The following PPP6R2 variants were observed in gnomAD, a reference collection of about 807,000 sequenced individuals.
PPP6R2 encodes the protein serine/threonine-protein phosphatase 6 regulatory subunit 2.
In PPP6R2, 62 loss-of-function variants were observed where a neutral mutation model predicts 100.2. The observed-to-expected ratio is 0.62, with a 90% confidence interval of 0.50 to 0.76. The LOEUF is 0.76. PPP6R2 is among the 30% of genes least tolerant of loss of function. The pLI is 0.00. For synonymous variants in PPP6R2, 525 were observed against 514.7 expected (o/e 1.02, Z -0.27); for missense variants, 1,142 against 1,276.3 (o/e 0.89, Z 1.60).
intron 2 of PPP6R2, among the ~76,000 whole-genome samples, chr22:50,377,862 C>G (rs927675701): frequency 6.6e-6 from 1 of 152,060 alleles, no homozygotes; most frequent in South Asian, 2.1e-4. Context: ...CAAAAAGTAG[C>G]TCAGCGTGGT....
chr22:50,381,277 ACCACACGGGCCCCACC>A (rs2052892142), intron 2 of PPP6R2, among the ~76,000 whole-genome samples: 1 of 105,500 alleles, frequency 9.5e-6, no homozygotes, highest in Non-Finnish European at 2.0e-5. Flanking sequence ...TCACCTCAGC[ACCACACGGGCCCCACC>A]TCAGCACCAC....
chr22:50,409,087 C>T (rs554276505), intron 4 of PPP6R2, among the ~76,000 whole-genome samples: 1 of 152,340 alleles, frequency 6.6e-6, no homozygotes, highest in East Asian at 1.9e-4. Flanking sequence ...GCACTCCAGC[C>T]TGGGCAACAA....
At chr22:50,404,131 G>A (rs1312980982) in intron 3 of PPP6R2, among the ~76,000 whole-genome samples, 1 of 128,574 alleles carries the variant, frequency 7.8e-6, no homozygotes, top group Admixed American at 8.4e-5. Flanking sequence ...GTCTCGCTCT[G>A]TCACCCAGAC....
Position 50,444,378 on chromosome 22 carries a change from G to C in PPP6R2, c.*131G>C. Reference sequence around the variant, plus strand: ...AAATAAATGCTGCATTGGTAAAGCTGGCAGTTGAAACCAGTTGGACGGCCC... The same window carrying C: ...AAATAAATGCTGCATTGGTAAAGCTCGCAGTTGAAACCAGTTGGACGGCCC... On this transcript the variant is annotated 3_prime_UTR_variant, in exon 24 of 24. Transcript: ENST00000612753. The C allele has an allele frequency of 8.0e-7, 1 of 1,256,444 alleles. No individual in the cohort carries two copies. The highest frequency in any genetic ancestry group is 1.4e-5 in the South Asian group (1 of 69,616). The allele number at this position is 1,256,444 out of a possible 1,614,324, so 77.8% of individuals were successfully genotyped here.
intron 1 of PPP6R2, among the ~76,000 whole-genome samples, chr22:50,355,768 G>A (rs974463381): frequency 6.7e-6 from 1 of 150,058 alleles, no homozygotes; most frequent in African/African-American, 2.5e-5. Context: ...TGATCCGCCC[G>A]CCTCGGCCTC....
rs920219022 is a variant in PPP6R2, at chr22:50,418,908, G to A, written c.660G>A (p.Arg220=). The A allele has an allele frequency of 2.5e-6, 4 of 1,613,826 alleles. No individual in the cohort carries two copies. In the East Asian group the frequency reaches 6.7e-5, roughly 27 times the overall value. The change falls in exon 7 of 24, where the codon AGG becomes AGA. Residue 220 remains arginine (R), a synonymous_variant. Transcript: ENST00000612753. The part of the protein sequence containing the change: ...NASQTLCDIV[R]LGRDQGSQLQ... The stretch of plus-strand genomic sequence containing the variant: ...CTCAGACTCTCTGTGACATAGTTAG[G>A]CTGGGCAGAGACCAGGGCAGTCAGC...
chr22:50,371,257 G>A (rs1431775657), intron 1 of PPP6R2, among the ~76,000 whole-genome samples: 1 of 152,166 alleles, frequency 6.6e-6, no homozygotes, highest in African/African-American at 2.4e-5. Context: ...TCAGCAGGCT[G>A]TGGCAGGAGG....
At chr22:50,340,140 TG>T (rs2042356005), upstream of PPP6R2, among the ~76,000 whole-genome samples, 1 of 87,154 alleles carries the variant, frequency 1.1e-5, no homozygotes, top group Non-Finnish European at 2.7e-5. Context: ...GTGTGTACAG[TG>T]TGTGGTGTGT....
chr22:50,360,453 C>CT (rs1222093532), intron 1 of PPP6R2, among the ~76,000 whole-genome samples: 5 of 151,244 alleles, frequency 3.3e-5, no homozygotes, highest in Admixed American at 3.3e-4. Context: ...GTCTTGAACT[C>CT]TCAGGCATAA....
intron 2 of PPP6R2, among the ~76,000 whole-genome samples, chr22:50,373,178 C>T (rs982940278): frequency 2.0e-5 from 3 of 151,622 alleles, no homozygotes; most frequent in Non-Finnish European, 4.4e-5. Flanking sequence ...GATACTCTTA[C>T]GAGGCTCTTC....
At chr22:50,411,420 C>G (rs1434915424) in intron 4 of PPP6R2, among the ~76,000 whole-genome samples, 3 of 151,828 alleles carry the variant, frequency 2.0e-5, no homozygotes, top group Non-Finnish European at 4.4e-5. Flanking sequence ...GGCCACTGCA[C>G]TCCAGCCTAG....
chr22:50,347,941 A>G lies in PPP6R2; in HGVS notation c.-148+4391A>G, dbSNP rs574820953. ...TTGTGGGTACACAATAGGTGTATAT[A>G]TCTCTCCCCTTTGACTTTTCTAACT... On this transcript the variant is annotated intron_variant, in intron 1 of 23. Transcript: ENST00000612753. Among the ~76,000 whole-genome samples the G allele has an allele frequency of 9.2e-5, 14 of 152,132 alleles. 1 individual carries two copies. The highest frequency in any genetic ancestry group is 3.1e-4 in the African/African-American group (13 of 41,504).
intron 3 of PPP6R2, among the ~76,000 whole-genome samples, chr22:50,396,045 A>G (rs1432449932): frequency 6.6e-6 from 1 of 151,170 alleles, no homozygotes; most frequent in African/African-American, 2.4e-5. Context: ...AAATACAAAA[A>G]TTAGCAGGGC....
At chr22:50,355,261 A>G (rs1457969835) in intron 1 of PPP6R2, among the ~76,000 whole-genome samples, 8 of 146,288 alleles carry the variant, frequency 5.5e-5, no homozygotes, top group South Asian at 2.1e-4. Context: ...TTTTTGAGAC[A>G]GAGTCTCGCT....
chr22:50,337,438 G>A, the PPP6R2 span, among the ~76,000 whole-genome samples: 1 of 135,416 alleles, frequency 7.4e-6, no homozygotes, highest in Non-Finnish European at 1.6e-5. Flanking sequence ...TGTGTGTGCG[G>A]TACGTGTGTG....
At chr22:50,439,151 G>A (rs1214712755) in intron 19 of PPP6R2, among the ~76,000 whole-genome samples, 1 of 152,206 alleles carries the variant, frequency 6.6e-6, no homozygotes, top group Non-Finnish European at 1.5e-5. Context: ...CACCTCACAG[G>A]CCGCATGGCT....
At chr22:50,437,484 T>TGCCCCCC (rs2064597902) in intron 15 of PPP6R2, 22 bp from the exon 16 acceptor site, 3 of 542,094 alleles carry the variant, frequency 5.5e-6, no homozygotes, top group Middle Eastern at 3.6e-4. Flanking sequence ...TGTCCGTCCC[T>TGCCCCCC]CCCTCCCTCC....
At chr22:50,406,346 G>T (rs933198119) in intron 3 of PPP6R2, among the ~76,000 whole-genome samples, 1 of 150,408 alleles carries the variant, frequency 6.6e-6, no homozygotes, top group Non-Finnish European at 1.5e-5. Context: ...GAGTGTGAAG[G>T]CCTAGAGGGA....
rs1299110328 is a variant in PPP6R2 at position 50,437,950 on chromosome 22, T to G, written c.1839+50T>G. The G allele has an allele frequency of 1.9e-6, 3 of 1,565,136 alleles. No homozygotes were observed. The Admixed American group carries it at 5.7e-5, about 30-fold the overall frequency. ...TGCCGCCACCCTTTTCCCAGGCAGC[T>G]CAGGCCATGCCCATGGCTCGGTCTG... On this transcript the variant is annotated intron_variant, in intron 17 of 23. Coordinates refer to ENST00000612753, the MANE Select transcript of PPP6R2 (RefSeq NM_001242898.2).
Sources: allele counts gnomAD v4.1 joint callset (sites outside exome capture counted in the v4.1 genomes callset), GRCh38; gene constraint gnomAD v4.1.1; transcripts MANE v1.5; gene names NCBI Gene and HGNC (gene_info 2026-07-23, HGNC 2026-07-21).